WDR47: variants seen among roughly 807,000 people sequenced by gnomAD.
WDR47 encodes the protein WD repeat-containing protein 47.
Under a neutral mutation model 97.2 loss-of-function variants are expected in WDR47, and 32 were observed. The ratio of observed to expected loss-of-function variants is 0.33; its 90% CI spans 0.25 to 0.44. WDR47 has a LOEUF of 0.44. Among genes scored for constraint, WDR47 ranks in the 20% least tolerant of loss-of-function variants. The probability of loss-of-function intolerance (pLI) is 1.00; values close to 1 mark genes in which losing one functional copy is unlikely to be tolerated. For missense variants in WDR47, 782 were observed against 1,102.3 expected, an observed-to-expected ratio of 0.71 and a Z score of 4.11; for synonymous variants, 375 against 373.5, an observed-to-expected ratio of 1.00 and a Z score of -0.05.
intron 6 of WDR47, 151 bp from the exon 7 acceptor site, chr1:109,002,553 ATG>A: frequency 1.5e-6 from 1 of 674,184 alleles, no homozygotes. Context: ...GAAAAACAGT[ATG>A]TGTCTTAATA....
intron 5 of WDR47, among the ~76,000 whole-genome samples, chr1:109,009,009 C>A (rs182743811): frequency 1.3e-5 from 2 of 151,534 alleles, no homozygotes; most frequent in Non-Finnish European, 2.9e-5. Context: ...CGCTTGAACC[C>A]GGGAGGCAGA....
In WDR47 at chr1:109,013,900, T is replaced by G. The variant is rs1006137580; in HGVS notation, c.268A>C (p.Lys90Gln). ...KRFRYIILKQKFLEALCVNNA... is the reference protein window; with the variant it reads ...KRFRYIILKQQFLEALCVNNA... ...TTAACACATAAAGCTTCTAAAAACTTCTGCTTCAGGATAATATAACGAAAC... is the reference window on the plus strand; with the variant it reads ...TTAACACATAAAGCTTCTAAAAACTGCTGCTTCAGGATAATATAACGAAAC... The change falls in exon 4 of 15, where the codon AAG becomes CAG. Residue 90 changes from lysine to glutamine, a missense_variant. Lys to Gln is a moderately conservative substitution (Grantham distance 53). This residue lies in a region of WDR47 where 428 missense variants were observed against 584.3 expected (regional missense o/e 0.73). Transcript: ENST00000369962. The G allele has an allele frequency of 1.9e-6, 3 of 1,612,770 alleles. No homozygotes were observed. The highest frequency in any genetic ancestry group is 2.5e-6 in the Non-Finnish European group (3 of 1,179,832).
chr1:109,041,235 GTTC>G (rs1403567663), intron 1 of WDR47, among the ~76,000 whole-genome samples: 1 of 151,602 alleles, frequency 6.6e-6, no homozygotes. Context: ...ACAACCTTGC[GTTC>G]TTCTACGCAG....
At chr1:109,013,727 C>A in intron 4 of WDR47, 114 bp downstream of exon 4, 2 of 1,067,196 alleles carry the variant, frequency 1.9e-6, no homozygotes, top group South Asian at 1.4e-5. Context: ...CTTGCCCCAT[C>A]CCAGCTCATA....
intron 1 of WDR47, among the ~76,000 whole-genome samples, chr1:109,034,589 T>A (rs972029096): frequency 3.3e-5 from 5 of 152,160 alleles, no homozygotes; most frequent in Admixed American, 3.3e-4. Flanking sequence ...TGAGTCCCGC[T>A]CCTGTTAGAT....
chr1:108,984,749 A>C (rs777864487), intron 10 of WDR47, among the ~76,000 whole-genome samples: 2 of 152,098 alleles, frequency 1.3e-5, no homozygotes, highest in Admixed American at 6.6e-5. Context: ...ATCGTGGTGC[A>C]TGCCTGTAGT....
In WDR47 at chr1:108,995,843, A is replaced by C; in HGVS notation, c.1434-6T>G. The C allele has an allele frequency of 6.2e-7, 1 of 1,610,948 alleles. No individual in the cohort carries two copies. The highest frequency in any genetic ancestry group is 8.5e-7 in the Non-Finnish European group (1 of 1,178,070). The stretch of plus-strand genomic sequence containing the variant: ...CACCAAGCTTTTGAATGGACCTATA[A>C]AATTAAACAATGTAATCATTTTAAA... On this transcript the variant is annotated splice_polypyrimidine_tract_variant and splice_region_variant and intron_variant, in intron 7 of 14. Coordinates refer to ENST00000369962, the MANE Select transcript of WDR47 (RefSeq NM_001142551.2).
intron 3 of WDR47, 54 bp from the exon 4 acceptor site, chr1:109,013,979 T>C: frequency 7.6e-7 from 1 of 1,322,892 alleles, no homozygotes; most frequent in Non-Finnish European, 1.1e-6. Context: ...TCAAATATAC[T>C]TAGAAGTTAC....
intron 13 of WDR47, among the ~76,000 whole-genome samples, chr1:108,978,178 T>TAA (rs71593456): frequency 0.029 from 3,903 of 133,820 alleles, 174 homozygotes; most frequent in African/African-American, 0.1. Context: ...ATCCTTTAAT[T>TAA]AAAAAAAAAA....
At chr1:109,037,568 A>G (rs1395259382) in intron 1 of WDR47, among the ~76,000 whole-genome samples, 7 of 143,492 alleles carry the variant, frequency 4.9e-5, no homozygotes, top group Non-Finnish European at 7.5e-5. Context: ...CGGAGCTTGC[A>G]GTGAGCTGAG....
intron 1 of WDR47, among the ~76,000 whole-genome samples, chr1:109,026,480 C>T (rs1258862472): frequency 6.6e-6 from 1 of 151,812 alleles, no homozygotes. Flanking sequence ...TTAGACAATT[C>T]TTTTTTTTAT....
intron 1 of WDR47, among the ~76,000 whole-genome samples, chr1:109,035,247 G>GA (rs1174235842): frequency 0.095 from 6,150 of 64,734 alleles, 217 homozygotes; most frequent in East Asian, 0.19. Context: ...CCCTGTCTCA[G>GA]AAAAAAAAAA....
chr1:109,042,049 C>G lies in WDR47; in HGVS notation c.-197G>C, dbSNP rs1009366100. 1.3e-5 allele frequency: 2 copies of G among 152,544 alleles called. No individual in the cohort carries two copies. The highest frequency in any genetic ancestry group is 4.8e-5 in the African/African-American group (2 of 41,468). The allele number at this position is 152,544 out of a possible 1,614,324, so 9.4% of individuals were successfully genotyped here. A position where few individuals can be genotyped will look rare whatever the true frequency, so the allele number is the denominator to read the frequency against. ...CATCAGTTCGTCAATCCGTCCTTCT[C>G]ACGTCCGCCCCTCCCGGCCCAGCGA... On this transcript the variant is annotated 5_prime_UTR_variant, in exon 1 of 15. Coordinates refer to ENST00000369962, the MANE Select transcript of WDR47 (RefSeq NM_001142551.2).
intron 7 of WDR47, among the ~76,000 whole-genome samples, chr1:109,000,372 A>T: frequency 6.6e-6 from 1 of 151,702 alleles, no homozygotes; most frequent in East Asian, 1.9e-4. Context: ...AGCCAGGCAT[A>T]GTGGTGCGTA....
intron 14 of WDR47, 144 bp downstream of exon 14, chr1:108,974,392 T>C: frequency 1.5e-6 from 1 of 664,242 alleles, no homozygotes; most frequent in Non-Finnish European, 2.5e-6. Flanking sequence ...CTATTATATA[T>C]CTTAATATAG....
At chr1:109,040,400 G>A (rs1268124928) in intron 1 of WDR47, among the ~76,000 whole-genome samples, 2 of 151,962 alleles carry the variant, frequency 1.3e-5, no homozygotes, top group African/African-American at 4.8e-5. Context: ...TAGTAACATA[G>A]GATAGTACCC....
intron 2 of WDR47, among the ~76,000 whole-genome samples, chr1:109,021,697 T>C (rs1390623316): frequency 6.6e-6 from 1 of 152,090 alleles, no homozygotes; most frequent in Non-Finnish European, 1.5e-5. Context: ...CAGCTAATTT[T>C]AGTATTTTTA....
At position 108,986,374 on chromosome 1, in the gene WDR47, A is replaced by G. The variant is rs1009128211; in HGVS notation, c.1925+149T>C. On this transcript the variant is annotated intron_variant, in intron 10 of 14. Transcript: ENST00000369962. ...ATATTTCCTAAGCACTGAAAGTAAAAACAGTTATTTTATAACAGAAAATAA... is the reference window on the plus strand; with the variant it reads ...ATATTTCCTAAGCACTGAAAGTAAAGACAGTTATTTTATAACAGAAAATAA... The G allele has an allele frequency of 1.2e-5, 8 of 656,002 alleles. No homozygotes were observed. The Admixed American group carries it at 3.0e-4, about 24-fold the overall frequency. 40.6% of individuals were successfully genotyped at this position (656,002 alleles called of 1,614,324 possible).
chr1:109,006,122 C>T (rs911681438), intron 5 of WDR47, among the ~76,000 whole-genome samples: 1 of 152,008 alleles, frequency 6.6e-6, no homozygotes, highest in Non-Finnish European at 1.5e-5. Flanking sequence ...GGGCTGGGCA[C>T]AGTGGCTCAC....
Sources: gnomAD v4.1 joint callset for allele counts (sites outside exome capture counted in the v4.1 genomes callset) on GRCh38, gnomAD v4.1.1 for gene constraint, gnomAD v4.1.1 regional missense constraint, MANE v1.5 for transcripts, NCBI Gene and HGNC (gene_info 2026-07-23, HGNC 2026-07-21) for gene names.